DDHD1: variants seen among roughly 807,000 people sequenced by gnomAD.
DDHD1 encodes the protein phospholipase DDHD1.
Under a neutral mutation model 96.4 loss-of-function variants are expected in DDHD1, and 49 were observed. That is an observed-to-expected ratio of 0.51 (90% CI 0.40 to 0.64). DDHD1 has a LOEUF of 0.64. Ranked by LOEUF, DDHD1 falls within the 30% of genes least tolerant of loss-of-function variation. DDHD1 has a pLI of 0.00. For missense variants in DDHD1, 1,106 were observed against 1,161.2 expected, an observed-to-expected ratio of 0.95 and a Z score of 0.69; for synonymous variants, 442 against 446.5, an observed-to-expected ratio of 0.99 and a Z score of 0.13.
intron 12 of DDHD1, among the ~76,000 whole-genome samples, chr14:53,047,889 G>T (rs1303871405): frequency 2.0e-5 from 3 of 152,146 alleles, no homozygotes; most frequent in Non-Finnish European, 4.4e-5. Context: ...GTGTTCTGAA[G>T]GGTCTATGTT....
chr14:53,103,289 T>A (rs985938730), intron 2 of DDHD1: 1 of 381,494 alleles, frequency 2.6e-6, no homozygotes, highest in Admixed American at 4.4e-5. Flanking sequence ...AATTAAAGAT[T>A]TTTTTTTTGA....
chr14:53,112,718 G>A (rs1888201350), intron 1 of DDHD1, among the ~76,000 whole-genome samples: 1 of 152,198 alleles, frequency 6.6e-6, no homozygotes, highest in East Asian at 1.9e-4. Context: ...AGTAACATGT[G>A]GAATAGTCTT....
chr14:53,045,623 T>A lies in DDHD1; in HGVS notation c.*1145A>T, dbSNP rs1032132095. On this transcript the variant is annotated 3_prime_UTR_variant, in exon 13 of 13. Coordinates refer to ENST00000673822, the MANE Select transcript of DDHD1 (RefSeq NM_001160148.2). ...ACATGTAACATGAGAACAAGATTTA[T>A]TTACTTACCTCAAGAAGCTAGTACA... The A allele has an allele frequency of 6.6e-6, 1 of 152,236 alleles. No individual in the cohort carries two copies. The highest frequency in any genetic ancestry group is 1.5e-5 in the Non-Finnish European group (1 of 68,038). 9.4% of individuals were successfully genotyped at this position (152,236 alleles called of 1,614,324 possible). A position where few individuals can be genotyped will look rare whatever the true frequency, so the allele number is the denominator to read the frequency against.
intron 1 of DDHD1, among the ~76,000 whole-genome samples, chr14:53,114,636 G>A (rs1351821954): frequency 1.3e-5 from 2 of 152,136 alleles, no homozygotes; most frequent in African/African-American, 4.8e-5. Flanking sequence ...GCAGGAGAGG[G>A]GCCAGACTAA....
At position 53,062,976 on chromosome 14, in the gene DDHD1, TGTC is replaced by T; in HGVS notation, c.1730_1732del (p.Arg577del). ...AGTTATATAGAGTTCATCAAGAAGATGTCGTTCTTCATAGCTCATCCATCGTTC... is the reference window on the plus strand; with the variant it reads ...AGTTATATAGAGTTCATCAAGAAGATGTTCTTCATAGCTCATCCATCGTTC... On this transcript the variant is annotated inframe_deletion, in exon 7 of 13. Transcript: ENST00000673822. The T allele has an allele frequency of 6.2e-7, 1 of 1,614,066 alleles. No homozygotes were observed. Among genetic ancestry groups the T allele is most frequent in the Non-Finnish European group, 8.5e-7 (1 of 1,179,974 alleles).
At chr14:53,047,380 C>T (rs2139808134) in intron 12 of DDHD1, among the ~76,000 whole-genome samples, 1 of 152,306 alleles carries the variant, frequency 6.6e-6, no homozygotes, top group Admixed American at 6.5e-5. Flanking sequence ...TCAATCTCCT[C>T]CTTAGGGAGG....
chr14:53,077,882 T>C (rs1025012124), intron 4 of DDHD1, among the ~76,000 whole-genome samples: 16 of 152,236 alleles, frequency 1.1e-4, no homozygotes, highest in Non-Finnish European at 1.8e-4. Context: ...AATCATACAA[T>C]ATGGGGCCTT....
intron 9 of DDHD1, 52 bp from the exon 10 acceptor site, chr14:53,055,964 T>C (rs941584049): frequency 6.7e-7 from 1 of 1,493,820 alleles, no homozygotes; most frequent in Admixed American, 1.9e-5. Flanking sequence ...TCACAATGCT[T>C]GGATTTTAGT....
At chr14:53,055,532 G>T in intron 10 of DDHD1, 128 bp downstream of exon 10, 1 of 872,310 alleles carries the variant, frequency 1.1e-6, no homozygotes, top group Non-Finnish European at 1.8e-6. Context: ...CATTGGGAGG[G>T]TAGTTAATTC....
At chr14:53,057,090 G>T (rs1883117573) in intron 9 of DDHD1, among the ~76,000 whole-genome samples, 1 of 152,140 alleles carries the variant, frequency 6.6e-6, no homozygotes, top group Admixed American at 6.5e-5. Flanking sequence ...GTTTGTATTT[G>T]AATCTTATAT....
chr14:53,054,469 T>C lies in DDHD1; in HGVS notation c.2406A>G (p.Pro802=). ...SATTVGTQTL[P]HSSSGFLDSA... ...AATCGAGGAAGCCAGAACTGCTATG[T>C]GGAAGGGTCTGTGTCCCTACGGTGG... Residue 802 remains proline, a synonymous_variant, in exon 11 of 13, where the codon CCA becomes CCG. Transcript: ENST00000673822. The C allele has an allele frequency of 6.2e-7, 1 of 1,614,108 alleles. No homozygotes were observed. The highest frequency in any genetic ancestry group is 1.3e-5 in the African/African-American group (1 of 75,060).
chr14:53,054,344 T>C, intron 11 of DDHD1, 94 bp downstream of exon 11: 1 of 1,077,592 alleles, frequency 9.3e-7, no homozygotes, highest in Non-Finnish European at 1.3e-6. Flanking sequence ...GATCTTAGAG[T>C]TGACTAGCTA....
chr14:53,105,046 T>C (rs1887582806), intron 1 of DDHD1, among the ~76,000 whole-genome samples: 2 of 151,978 alleles, frequency 1.3e-5, no homozygotes, highest in Non-Finnish European at 2.9e-5. Flanking sequence ...TTTATTAATA[T>C]CATTAGGAAC....
intron 1 of DDHD1, among the ~76,000 whole-genome samples, chr14:53,108,775 CA>C (rs960735057): frequency 2.0e-5 from 3 of 152,092 alleles, no homozygotes; most frequent in Admixed American, 6.5e-5. Context: ...CTTCCTTTTT[CA>C]CTTCTTTTCA....
In DDHD1 at chr14:53,044,537, AG is replaced by A. The variant is rs1453357950; in HGVS notation, c.*2230del. The A allele has an allele frequency of 6.6e-6, 1 of 152,230 alleles. No individual in the cohort carries two copies. Among genetic ancestry groups the A allele is most frequent in the Middle Eastern group, 3.2e-3 (1 of 316 alleles). 9.4% of individuals were successfully genotyped at this position (152,230 alleles called of 1,614,324 possible). A position where few individuals can be genotyped will look rare whatever the true frequency, so the allele number is the denominator to read the frequency against. On this transcript the variant is annotated 3_prime_UTR_variant, in exon 13 of 13. Coordinates refer to ENST00000673822, the MANE Select transcript of DDHD1 (RefSeq NM_001160148.2). ...TACGCTCAAGTACCTTTAACGATAC[AG>A]TCATATAGCATGAGTTTAATTTTCC...
At chr14:53,108,284 G>A (rs965819888) in intron 1 of DDHD1, among the ~76,000 whole-genome samples, 7 of 152,280 alleles carry the variant, frequency 4.6e-5, no homozygotes, top group African/African-American at 9.6e-5. Context: ...CTAAGTGCCC[G>A]GGTTCATCCT....
chr14:53,046,896 G>A lies in DDHD1; in HGVS notation c.2575C>T (p.Arg859Cys), dbSNP rs1036525672. 6.2e-7 allele frequency: 1 copy of A among 1,613,160 alleles called. No individual in the cohort carries two copies. The highest frequency in any genetic ancestry group is 1.3e-5 in the African/African-American group (1 of 74,948). ...TGCGACGTGACAGCTGACCAATAGC[G>A]GCTCTCCACAAGGCCTTCTCTGAGT... ...FELREGLVES[R>C]YWSAVTSHTA... is the part of the protein sequence containing the mutation. Residue 859 changes from arginine (R) to cysteine (C), a missense_variant, in exon 13 of 13, where the codon CGC (arginine) becomes TGC (cysteine). Arg to Cys is a radical substitution (Grantham distance 180, BLOSUM62 -3). Around this residue, in one of 2 missense-constraint regions of DDHD1, gnomAD observed 650 missense variants for 758.8 expected, o/e 0.86. Transcript: ENST00000673822.
At chr14:53,064,399 T>A (rs185974690) in intron 6 of DDHD1, among the ~76,000 whole-genome samples, 1 of 152,032 alleles carries the variant, frequency 6.6e-6, no homozygotes, top group Non-Finnish European at 1.5e-5. Flanking sequence ...ACATACCTAA[T>A]CTTTTTGTTT....
At position 53,046,956 on chromosome 14, in the gene DDHD1, A is replaced by C; in HGVS notation, c.2522-7T>G. The C allele has an allele frequency of 6.3e-7, 1 of 1,596,184 alleles. No individual in the cohort carries two copies. The highest frequency in any genetic ancestry group is 1.1e-5 in the South Asian group (1 of 87,922). On this transcript the variant is annotated splice_polypyrimidine_tract_variant and splice_region_variant and intron_variant, in intron 12 of 12. Transcript: ENST00000673822. ...ATCCTGTGATCCAACTCCACTAAAAAGAAAAGAAGTTAAACAAATGAATAC... is the reference window on the plus strand; with the variant it reads ...ATCCTGTGATCCAACTCCACTAAAACGAAAAGAAGTTAAACAAATGAATAC...
Sources: allele counts gnomAD v4.1 joint callset (sites outside exome capture counted in the v4.1 genomes callset), GRCh38; gene constraint gnomAD v4.1.1; regional missense constraint gnomAD v4.1.1; transcripts MANE v1.5; gene names NCBI Gene and HGNC (gene_info 2026-07-23, HGNC 2026-07-21).